The following POLK variants were observed in gnomAD, a reference collection of about 807,000 sequenced individuals.
The protein encoded by POLK is DNA polymerase kappa, also known as polymerase (DNA directed) kappa.
In POLK, 76 loss-of-function variants were observed where a neutral mutation model predicts 94.0. That is an observed-to-expected ratio of 0.81 (90% CI 0.67 to 0.98). The LOEUF is 0.98. Ranked by LOEUF, POLK falls within the 50% of genes least tolerant of loss-of-function variation. POLK has a pLI of 0.00. For synonymous variants in POLK, 349 were observed against 325.4 expected, an observed-to-expected ratio of 1.07 and a Z score of -0.78; for missense variants, 954 against 1,010.1, an observed-to-expected ratio of 0.94 and a Z score of 0.75.
intron 1 of POLK, among the ~76,000 whole-genome samples, chr5:75,528,843 G>C (rs1768997589): frequency 6.6e-6 from 1 of 152,084 alleles, no homozygotes; most frequent in African/African-American, 2.4e-5. Flanking sequence ...TAATGAAATA[G>C]ATGTTATAAA....
chr5:75,600,303 C>A (rs1316117910), exon 15 of POLK: 1 of 152,008 alleles, frequency 6.6e-6, no homozygotes, highest in Non-Finnish European at 1.5e-5. Flanking sequence ...ACCTTATTTG[C>A]AAAAATGAAA....
rs560704950 is a variant in POLK at position 75,555,587 on chromosome 5, G to A, written c.255+2996G>A. On this transcript the variant is annotated intron_variant, in intron 3 of 14. Coordinates refer to ENST00000241436, the Ensembl canonical transcript of POLK. ...TTTGAGATGGAGTCTCTCTCACTTC[G>A]TTGCCCAGGCTGGAGTGCAGTGGTG... 1.8e-4 allele frequency among the ~76,000 whole-genome samples: 27 copies of A among 148,554 alleles called. 1 individual carries two copies. The East Asian group carries it at 2.6e-3, about 14-fold the overall frequency.
intron 3 of POLK, among the ~76,000 whole-genome samples, chr5:75,562,842 A>C (rs151216855): frequency 6.6e-6 from 1 of 152,134 alleles, no homozygotes; most frequent in Non-Finnish European, 1.5e-5. Flanking sequence ...AACCAGCCTT[A>C]CATCCCAGGG....
intron 1 of POLK, among the ~76,000 whole-genome samples, chr5:75,532,238 C>T (rs1044048444): frequency 6.6e-6 from 1 of 152,142 alleles, no homozygotes; most frequent in African/African-American, 2.4e-5. Flanking sequence ...CTCCCTCCTC[C>T]CACCCTCCAC....
chr5:75,595,150 G>A (rs554815230), intron 12 of POLK, among the ~76,000 whole-genome samples: 2 of 150,676 alleles, frequency 1.3e-5, no homozygotes, highest in Non-Finnish European at 2.9e-5. Context: ...TACTTGAGAG[G>A]CTGAGGCAGG....
intron 11 of POLK, among the ~76,000 whole-genome samples, chr5:75,592,848 G>A (rs1772860267): frequency 1.3e-5 from 2 of 152,076 alleles, no homozygotes; most frequent in South Asian, 4.1e-4. Context: ...GAGCCCAGGA[G>A]TTCAAGACCA....
exon 15 of POLK, chr5:75,599,522 T>C (rs1304490893): frequency 2.0e-5 from 3 of 152,174 alleles, no homozygotes; most frequent in African/African-American, 7.2e-5. Flanking sequence ...TCCAATCCCA[T>C]GACTGATGTT....
At chr5:75,521,826 T>G (rs1235297802) in intron 1 of POLK, among the ~76,000 whole-genome samples, 1 of 152,164 alleles carries the variant, frequency 6.6e-6, no homozygotes, top group Admixed American at 6.5e-5. Context: ...GGAGGCTTAA[T>G]TCCAGCTTTG....
At chr5:75,511,706 CCGG>C, upstream of POLK, 3 of 1,544,268 alleles carry the variant, frequency 1.9e-6, no homozygotes, top group Non-Finnish European at 1.7e-6. Context: ...CGTCCCCCTC[CCGG>C]CGTCTGACGC....
At position 75,596,596 on chromosome 5, in the gene POLK, A is replaced by T. The variant is rs775841271; in HGVS notation, c.1903A>T (p.Ser635Cys). ...TTGCTTTAGGGCTCAAGGGTGCATC[A>T]GTCTGGAAGCCTTGAATAAACATGT... Residue 635 changes from serine to cysteine, a missense_variant, in exon 13 of 15, where the codon AGT (serine) becomes TGT (cysteine). By Grantham distance (112) the Ser-to-Cys change is moderately radical. Transcript: ENST00000241436. 3 of 1,613,972 alleles carry T rather than the reference A, an allele frequency of 1.9e-6. No individual in the cohort carries two copies. The East Asian group carries it at 6.7e-5, about 36-fold the overall frequency.
chr5:75,580,827 G>T (rs1425704774), intron 6 of POLK, among the ~76,000 whole-genome samples: 1 of 148,814 alleles, frequency 6.7e-6, no homozygotes, highest in Non-Finnish European at 1.5e-5. Flanking sequence ...AATTTTCGAA[G>T]ATTCTTTTTC....
upstream of POLK, chr5:75,511,579 T>G (rs1046844894): frequency 6.8e-7 from 1 of 1,462,766 alleles, no homozygotes; most frequent in African/African-American, 1.4e-5. Context: ...GAGTCCCGCG[T>G]CCACTCACAC....
At chr5:75,553,464 G>A (rs1435938197) in intron 3 of POLK, among the ~76,000 whole-genome samples, 1 of 152,092 alleles carries the variant, frequency 6.6e-6, no homozygotes, top group African/African-American at 2.4e-5. Flanking sequence ...ACTATACAAT[G>A]TGTGATTTTT....
intron 1 of POLK, among the ~76,000 whole-genome samples, chr5:75,520,220 C>CA (rs1415388993): frequency 3.9e-5 from 6 of 152,252 alleles, no homozygotes; most frequent in Non-Finnish European, 7.4e-5. Flanking sequence ...TTTATTGTCT[C>CA]AACTTACATA....
intron 3 of POLK, among the ~76,000 whole-genome samples, chr5:75,568,018 A>T (rs1422124624): frequency 6.6e-6 from 1 of 152,114 alleles, no homozygotes; most frequent in African/African-American, 2.4e-5. Context: ...GGAAGGACAT[A>T]AAAAAAATTC....
chr5:75,552,861 G>C (rs1371056195), intron 3 of POLK, among the ~76,000 whole-genome samples: 3 of 152,104 alleles, frequency 2.0e-5, no homozygotes, highest in Non-Finnish European at 4.4e-5. Context: ...CAGCTTGATA[G>C]GACAGGTAGT....
At chr5:75,520,431 G>C (rs1167098408) in intron 1 of POLK, among the ~76,000 whole-genome samples, 2 of 152,104 alleles carry the variant, frequency 1.3e-5, no homozygotes, top group Admixed American at 1.3e-4. Context: ...GTCTTGCCTT[G>C]TCACCGAGGT....
intron 5 of POLK, among the ~76,000 whole-genome samples, chr5:75,575,898 C>T (rs1156846430): frequency 6.6e-6 from 1 of 152,056 alleles, no homozygotes; most frequent in Non-Finnish European, 1.5e-5. Flanking sequence ...CGTAATTCAG[C>T]AAATATGTTT....
At chr5:75,574,544 T>C (rs565472116) in intron 5 of POLK, among the ~76,000 whole-genome samples, 1 of 152,354 alleles carries the variant, frequency 6.6e-6, no homozygotes, top group East Asian at 1.9e-4. Flanking sequence ...TCAAATACTT[T>C]TAGACTGCTA....
Sources: allele counts gnomAD v4.1 joint callset (sites outside exome capture counted in the v4.1 genomes callset), GRCh38; gene constraint gnomAD v4.1.1; transcripts MANE v1.5; gene names NCBI Gene and HGNC (gene_info 2026-07-23, HGNC 2026-07-21).